RANBP2: variants seen among roughly 807,000 people sequenced by gnomAD.
RANBP2 encodes E3 SUMO-protein ligase RanBP2.
Under a neutral mutation model 303.6 loss-of-function variants are expected in RANBP2, and 57 were observed. The ratio of observed to expected loss-of-function variants is 0.19; its 90% CI spans 0.15 to 0.23. The LOEUF (loss-of-function observed/expected upper bound fraction) is 0.23. Ranked by LOEUF, RANBP2 falls within the 10% of genes least tolerant of loss-of-function variation. RANBP2 has a pLI of 1.00. For synonymous variants in RANBP2, 1,167 were observed against 1,301.5 expected, an observed-to-expected ratio of 0.90 and a Z score of 2.23; for missense variants, 3,138 against 3,780.8, an observed-to-expected ratio of 0.83 and a Z score of 4.46.
chr2:109,413,714 A>T, the RANBP2 span, among the ~76,000 whole-genome samples: 2 of 152,296 alleles, frequency 1.3e-5, no homozygotes, highest in East Asian at 1.9e-4. Flanking sequence ...CACAGCATAG[A>T]CATGTCATGA....
the RANBP2 span, among the ~76,000 whole-genome samples, chr2:109,203,338 G>A: frequency 6.6e-6 from 1 of 152,242 alleles, no homozygotes; most frequent in African/African-American, 2.4e-5. Flanking sequence ...AGATGCGGCG[G>A]AGCTTGCTAG....
chr2:109,239,107 C>T, the RANBP2 span, among the ~76,000 whole-genome samples: 1 of 152,208 alleles, frequency 6.6e-6, no homozygotes, highest in South Asian at 2.1e-4. Context: ...ACGTCCAAGA[C>T]ACGTCTTTTC....
chr2:109,264,591 T>A, the RANBP2 span, among the ~76,000 whole-genome samples: 3 of 152,242 alleles, frequency 2.0e-5, no homozygotes, highest in African/African-American at 7.2e-5. Context: ...TAAAACCATG[T>A]GCATGAGCTG....
At chr2:109,163,830 T>G in the RANBP2 span, among the ~76,000 whole-genome samples, 3 of 152,214 alleles carry the variant, frequency 2.0e-5, no homozygotes, top group African/African-American at 7.2e-5. Context: ...CCAAACAATG[T>G]GTTTTCCATG....
At chr2:109,615,632 C>T in the RANBP2 span, 9 of 1,613,668 alleles carry the variant, frequency 5.6e-6, no homozygotes, top group South Asian at 8.8e-5. Context: ...CCTCCCAGTA[C>T]CTGAGTCGGA....
chr2:109,581,528 G>GA, the RANBP2 span, among the ~76,000 whole-genome samples: 10,066 of 145,506 alleles, frequency 0.069, 739 homozygotes, highest in East Asian at 0.25. Flanking sequence ...AAAGGTCTGG[G>GA]AAAAAAAAAA....
At chr2:108,984,423 C>T in the RANBP2 span, among the ~76,000 whole-genome samples, 1 of 152,140 alleles carries the variant, frequency 6.6e-6, no homozygotes, top group African/African-American at 2.4e-5. Flanking sequence ...CAATGAGAGC[C>T]CAGCCCCCTT....
At chr2:109,614,080 G>T in the RANBP2 span, 3 of 1,211,430 alleles carry the variant, frequency 2.5e-6, no homozygotes, top group Non-Finnish European at 3.1e-6. Context: ...AGCTACCCTC[G>T]ACGCCTGAGG....
the RANBP2 span, among the ~76,000 whole-genome samples, chr2:109,504,854 C>T: frequency 2.4e-4 from 37 of 152,320 alleles, no homozygotes; most frequent in Admixed American, 2.2e-3. Context: ...CTGTACCCAG[C>T]ACATGCCAGA....
chr2:108,794,526 T>A, the RANBP2 span: 1 of 1,588,864 alleles, frequency 6.3e-7, no homozygotes, highest in Non-Finnish European at 8.6e-7. Flanking sequence ...ATGCAAATGT[T>A]ATTTTCTTTG....
At chr2:109,550,762 T>A in the RANBP2 span, among the ~76,000 whole-genome samples, 7 of 152,218 alleles carry the variant, frequency 4.6e-5, no homozygotes, top group East Asian at 1.3e-3. Flanking sequence ...AAAAATTCCC[T>A]CAACCAGGGC....
At chr2:109,193,003 A>G in the RANBP2 span, among the ~76,000 whole-genome samples, 1 of 152,248 alleles carries the variant, frequency 6.6e-6, no homozygotes, top group Non-Finnish European at 1.5e-5. Flanking sequence ...GAAACCTGCA[A>G]GTTGGAAAAG....
At chr2:109,677,708 G>GC in the RANBP2 span, among the ~76,000 whole-genome samples, 1 of 152,156 alleles carries the variant, frequency 6.6e-6, no homozygotes, top group African/African-American at 2.4e-5. Flanking sequence ...TCTGACAACA[G>GC]CTGTGCCCTC....
chr2:109,581,595 A>G, the RANBP2 span, among the ~76,000 whole-genome samples: 1 of 152,038 alleles, frequency 6.6e-6, no homozygotes, highest in South Asian at 2.1e-4. Context: ...AACACACGGG[A>G]ATGGCTAAAG....
the RANBP2 span, among the ~76,000 whole-genome samples, chr2:109,009,990 T>A: frequency 0.071 from 10,737 of 152,210 alleles, 705 homozygotes; most frequent in African/African-American, 0.17. Flanking sequence ...GAAACATAAT[T>A]CTAACAGTTG....
chr2:109,705,074 AAAATAAATAAAT>A, the RANBP2 span, among the ~76,000 whole-genome samples: 3,820 of 144,892 alleles, frequency 0.026, 79 homozygotes, highest in South Asian at 0.057. Flanking sequence ...ACTCCCTCTC[AAAATAAATAAAT>A]AAATAAATAA....
the RANBP2 span, among the ~76,000 whole-genome samples, chr2:108,992,823 C>T: frequency 6.6e-6 from 1 of 152,196 alleles, no homozygotes; most frequent in Non-Finnish European, 1.5e-5. Flanking sequence ...GCCCCTGCCT[C>T]GTGGCACAGT....
At chr2:108,928,342 C>T in the RANBP2 span, among the ~76,000 whole-genome samples, 11 of 152,310 alleles carry the variant, frequency 7.2e-5, no homozygotes, top group Admixed American at 3.9e-4. Flanking sequence ...ACACTACCTC[C>T]CCAGCCATGA....
At chr2:109,405,533 C>T in the RANBP2 span, among the ~76,000 whole-genome samples, 4 of 152,128 alleles carry the variant, frequency 2.6e-5, no homozygotes, top group Admixed American at 6.6e-5. Flanking sequence ...CATTTCTCCC[C>T]GAAACTGCCG....
Sources: allele counts gnomAD v4.1 joint callset (sites outside exome capture counted in the v4.1 genomes callset), GRCh38; gene constraint gnomAD v4.1.1; transcripts MANE v1.5; gene names NCBI Gene and HGNC (gene_info 2026-07-23, HGNC 2026-07-21).